DNAAF11: variants seen among roughly 807,000 people sequenced by gnomAD.
DNAAF11 encodes dynein axonemal assembly factor 11, also known as leucine rich repeat containing 6.
Under a neutral mutation model 60.8 loss-of-function variants are expected in DNAAF11, and 45 were observed. The ratio of observed to expected loss-of-function variants is 0.74; its 90% CI spans 0.58 to 0.95. The LOEUF is 0.95. Among genes scored for constraint, DNAAF11 ranks in the 40% least tolerant of loss-of-function variants. The pLI is 0.00. For synonymous variants in DNAAF11, 191 were observed against 183.5 expected, an observed-to-expected ratio of 1.04 and a Z score of -0.33; for missense variants, 546 against 546.2, an observed-to-expected ratio of 1.00 and a Z score of 0.00.
chr8:132,685,277 A>G, the DNAAF11 span, among the ~76,000 whole-genome samples: 1 of 152,208 alleles, frequency 6.6e-6, no homozygotes, highest in Non-Finnish European at 1.5e-5. Flanking sequence ...AAGTTCAACT[A>G]ATTATGAATA....
chr8:132,694,425 A>G, the DNAAF11 span, among the ~76,000 whole-genome samples: 1 of 152,172 alleles, frequency 6.6e-6, no homozygotes, highest in Non-Finnish European at 1.5e-5. Flanking sequence ...GAAGATGGCC[A>G]TCCACAAGCC....
At chr8:132,694,348 T>C in the DNAAF11 span, among the ~76,000 whole-genome samples, 48 of 152,102 alleles carry the variant, frequency 3.2e-4, no homozygotes, top group Non-Finnish European at 5.6e-4. Flanking sequence ...ATATGACTGG[T>C]GTCCTCATAA....
At chr8:132,622,924 T>A (rs1819905948) in intron 6 of DNAAF11, 1 of 362,616 alleles carries the variant, frequency 2.8e-6, no homozygotes. Context: ...AGCAAAAAAA[T>A]GACCAAGACA....
intron 1 of DNAAF11, among the ~76,000 whole-genome samples, chr8:132,668,690 C>A (rs143469061): frequency 6.6e-6 from 1 of 152,214 alleles, no homozygotes; most frequent in Non-Finnish European, 1.5e-5. Flanking sequence ...GTTCCACCCC[C>A]CTCAGCCTCC....
chr8:132,627,022 T>C (rs2130358850), intron 5 of DNAAF11, among the ~76,000 whole-genome samples: 1 of 152,344 alleles, frequency 6.6e-6, no homozygotes, highest in South Asian at 2.1e-4. Context: ...CTTAGATTCT[T>C]TGCAGATACA....
intron 10 of DNAAF11, chr8:132,608,364 A>G: frequency 3.0e-6 from 1 of 334,342 alleles, no homozygotes; most frequent in Middle Eastern, 9.9e-4. Flanking sequence ...TAGTCCATAT[A>G]TATATAAATT....
intron 3 of DNAAF11, among the ~76,000 whole-genome samples, chr8:132,638,950 T>G (rs1821583040): frequency 6.6e-6 from 1 of 152,156 alleles, no homozygotes; most frequent in Admixed American, 6.5e-5. Flanking sequence ...AATGTGACCT[T>G]GGGTAAGTTA....
the DNAAF11 span, among the ~76,000 whole-genome samples, chr8:132,699,192 C>A: frequency 6.0e-5 from 9 of 151,044 alleles, no homozygotes; most frequent in Non-Finnish European, 7.4e-5. Context: ...CCAGGGGTGG[C>A]GTGCCTGAAT....
intron 3 of DNAAF11, chr8:132,643,754 A>C (rs1037967106): frequency 1.5e-5 from 7 of 455,682 alleles, no homozygotes; most frequent in Non-Finnish European, 2.2e-5. Flanking sequence ...GACAAGCATA[A>C]TATTGAGTGC....
At chr8:132,700,927 T>C in the DNAAF11 span, among the ~76,000 whole-genome samples, 98 of 152,302 alleles carry the variant, frequency 6.4e-4, no homozygotes, top group Non-Finnish European at 1.3e-3. Flanking sequence ...ACTTGATAAT[T>C]TAAAATGAAC....
chr8:132,698,224 C>A, the DNAAF11 span, among the ~76,000 whole-genome samples: 1 of 152,132 alleles, frequency 6.6e-6, no homozygotes, highest in African/African-American at 2.4e-5. Flanking sequence ...AAACCTATCC[C>A]ACACTTCGTA....
the DNAAF11 span, among the ~76,000 whole-genome samples, chr8:132,699,134 GA>G: frequency 8.9e-4 from 119 of 133,664 alleles, 1 homozygote; most frequent in East Asian, 1.3e-3. Context: ...GTCTCAAAAA[GA>G]AAAAAAAAAA....
chr8:132,623,361 T>G (rs1040786253), intron 6 of DNAAF11, among the ~76,000 whole-genome samples: 2 of 152,102 alleles, frequency 1.3e-5, no homozygotes, highest in African/African-American at 2.4e-5. Flanking sequence ...TAAATCCATT[T>G]TTGTTTTACA....
intron 3 of DNAAF11, among the ~76,000 whole-genome samples, chr8:132,644,841 G>C (rs560345256): frequency 6.6e-6 from 1 of 152,202 alleles, no homozygotes; most frequent in African/African-American, 2.4e-5. Flanking sequence ...CGGGAAGCTC[G>C]AACTGGGTGG....
At chr8:132,638,289 T>G (rs982434956) in intron 3 of DNAAF11, among the ~76,000 whole-genome samples, 182 bp from the exon 4 acceptor site, 3 of 152,232 alleles carry the variant, frequency 2.0e-5, no homozygotes, top group Non-Finnish European at 2.9e-5. Flanking sequence ...TCTTAACTCA[T>G]TTTTCTATCT....
intron 1 of DNAAF11, among the ~76,000 whole-genome samples, chr8:132,674,164 A>AG (rs1468771589): frequency 6.9e-6 from 1 of 144,504 alleles, no homozygotes; most frequent in African/African-American, 2.6e-5. Context: ...GAGGAGAAGG[A>AG]GAAGGAGGAG....
At chr8:132,699,531 G>A in the DNAAF11 span, among the ~76,000 whole-genome samples, 1 of 152,120 alleles carries the variant, frequency 6.6e-6, no homozygotes, top group South Asian at 2.1e-4. Context: ...GTGAAAAGAG[G>A]GAAGGCCAGG....
At chr8:132,664,153 G>A (rs1283830852) in intron 1 of DNAAF11, among the ~76,000 whole-genome samples, 1 of 152,224 alleles carries the variant, frequency 6.6e-6, no homozygotes, top group Admixed American at 6.5e-5. Flanking sequence ...TCTTGCCCCA[G>A]ATTCTAGTTG....
intron 5 of DNAAF11, among the ~76,000 whole-genome samples, chr8:132,626,938 T>G (rs1820339982): frequency 6.6e-6 from 1 of 152,216 alleles, no homozygotes; most frequent in Non-Finnish European, 1.5e-5. Flanking sequence ...GAAAGATACT[T>G]TTCAAAGGGA....
Sources: gnomAD v4.1 joint callset for allele counts (sites outside exome capture counted in the v4.1 genomes callset) on GRCh38, gnomAD v4.1.1 for gene constraint, MANE v1.5 for transcripts, NCBI Gene and HGNC (gene_info 2026-07-23, HGNC 2026-07-21) for gene names.